PIK3R3: variants seen among roughly 807,000 people sequenced by gnomAD.
The protein encoded by PIK3R3 is phosphatidylinositol 3-kinase regulatory subunit gamma.
PIK3R3 carries 64 observed loss-of-function variants against 62.9 expected under a neutral mutation model. The observed-to-expected ratio is 1.02, with a 90% CI of 0.83 to 1.25. The LOEUF (loss-of-function observed/expected upper bound fraction) is 1.25, where lower values mean the gene tolerates loss of function less well. Ranked by LOEUF, PIK3R3 falls within the 50% of genes most tolerant of loss-of-function variation. The probability of loss-of-function intolerance (pLI) is 0.00; values close to 1 mark genes in which losing one functional copy is unlikely to be tolerated. For missense variants in PIK3R3, 614 were observed against 561.6 expected (o/e 1.09, Z -0.94); for synonymous variants, 165 against 189.0 (o/e 0.87, Z 1.04).
chr1:46,128,473 T>C (rs1307223447), intron 1 of PIK3R3, among the ~76,000 whole-genome samples: 1 of 152,038 alleles, frequency 6.6e-6, no homozygotes, highest in Non-Finnish European at 1.5e-5. Context: ...TATAAAAATA[T>C]TGGCACCATT....
chr1:46,105,086 G>A (rs1023799696), intron 1 of PIK3R3: 11 of 743,162 alleles, frequency 1.5e-5, no homozygotes, highest in African/African-American at 6.9e-5. Context: ...CTCTATTGCT[G>A]TATGGACTTA....
At chr1:46,115,078 A>G (rs1187771666) in intron 1 of PIK3R3, among the ~76,000 whole-genome samples, 1 of 152,172 alleles carries the variant, frequency 6.6e-6, no homozygotes, top group Non-Finnish European at 1.5e-5. Flanking sequence ...CTGTATTTGT[A>G]GGAAGCATCT....
chr1:46,096,602 G>A (rs948164114), intron 1 of PIK3R3, among the ~76,000 whole-genome samples: 4 of 152,160 alleles, frequency 2.6e-5, no homozygotes, highest in East Asian at 3.8e-4. Context: ...ATTTTTAGAA[G>A]GCAGTAATAA....
At chr1:46,074,300 A>G (rs1310719967) in intron 3 of PIK3R3, among the ~76,000 whole-genome samples, 2 of 138,546 alleles carry the variant, frequency 1.4e-5, no homozygotes, top group African/African-American at 3.0e-5. Context: ...AAAAAAAAAA[A>G]AAAAAAAAAA....
the PIK3R3 span, among the ~76,000 whole-genome samples, chr1:46,174,570 C>G: frequency 6.6e-6 from 1 of 152,146 alleles, no homozygotes; most frequent in Non-Finnish European, 1.5e-5. Flanking sequence ...GGAAATGCAG[C>G]CAGATCTCGG....
chr1:46,140,999 C>T, the PIK3R3 span, among the ~76,000 whole-genome samples: 3 of 151,730 alleles, frequency 2.0e-5, no homozygotes. Flanking sequence ...TAACTGGGAT[C>T]ACAGGTGTGC....
At chr1:46,102,027 C>T in intron 1 of PIK3R3, among the ~76,000 whole-genome samples, 1 of 144,282 alleles carries the variant, frequency 6.9e-6, no homozygotes, top group Non-Finnish European at 1.5e-5. Context: ...CGCTGTCGCC[C>T]AGGCTGGAGT....
At chr1:46,133,633 C>T (rs1389065924), upstream of PIK3R3, among the ~76,000 whole-genome samples, 1 of 152,182 alleles carries the variant, frequency 6.6e-6, no homozygotes, top group Admixed American at 6.5e-5. Flanking sequence ...ACCTTCCTGG[C>T]TGCTACCTGA....
intron 2 of PIK3R3, 145 bp downstream of exon 2, chr1:46,080,497 G>A: frequency 3.0e-6 from 2 of 657,070 alleles, no homozygotes; most frequent in East Asian, 5.0e-5. Context: ...CTGGTATCAT[G>A]TGATTCTTCA....
At chr1:46,165,967 G>A in the PIK3R3 span, among the ~76,000 whole-genome samples, 1 of 150,422 alleles carries the variant, frequency 6.6e-6, no homozygotes, top group Non-Finnish European at 1.5e-5. Flanking sequence ...TAGAGACGGG[G>A]TTTCACCTGT....
rs186155008 is a variant in PIK3R3 at position 46,125,078 on chromosome 1, G to A, written c.106+6769C>T. ...CATGCCACTGTACTCCAGACTGGGG[G>A]ACAAGAGCGAGACTTTGTCTCAAAA... On this transcript the variant is annotated intron_variant, in intron 1 of 9. Transcript: ENST00000262741. Among the ~76,000 whole-genome samples the A allele has an allele frequency of 1.8e-3, 280 of 152,004 alleles. 2 individuals carry two copies. The highest frequency in any genetic ancestry group is 3.2e-3 in the Non-Finnish European group (215 of 67,974).
At chr1:46,065,225 A>G (rs1475214198) in intron 5 of PIK3R3, among the ~76,000 whole-genome samples, 1 of 152,256 alleles carries the variant, frequency 6.6e-6, no homozygotes, top group Non-Finnish European at 1.5e-5. Flanking sequence ...CAAACTATGT[A>G]ACAACTTAGG....
chr1:46,084,298 CT>C (rs2149418978), intron 1 of PIK3R3, among the ~76,000 whole-genome samples: 1 of 152,266 alleles, frequency 6.6e-6, no homozygotes, highest in South Asian at 2.1e-4. Context: ...TAAAGGATTT[CT>C]TTCAGGGTAA....
intron 7 of PIK3R3, among the ~76,000 whole-genome samples, chr1:46,050,211 T>C (rs1246739377): frequency 2.0e-5 from 3 of 151,422 alleles, no homozygotes; most frequent in African/African-American, 7.3e-5. Flanking sequence ...CAAAGTGGGA[T>C]AACATATACA....
At chr1:46,160,822 T>C in the PIK3R3 span, among the ~76,000 whole-genome samples, 5 of 152,192 alleles carry the variant, frequency 3.3e-5, no homozygotes, top group South Asian at 8.3e-4. Context: ...ATCCCTGGAA[T>C]TCAGGTGTGG....
Position 46,132,618 on chromosome 1 carries a change from C to G in PIK3R3, c.-666G>C. 1.6e-6 allele frequency: 2 copies of G among 1,289,690 alleles called. No individual in the cohort carries two copies. The highest frequency in any genetic ancestry group is 2.5e-5 in the South Asian group (2 of 81,024). The allele number at this position is 1,289,690 out of a possible 1,614,324, so 79.9% of individuals were successfully genotyped here. ...CCAACCCGACCGCACCAACTGCCCT[C>G]AAGCTCTGCCCGGACTCCAGCCACT... is the stretch of plus-strand genomic sequence containing the variant. On this transcript the variant is annotated 5_prime_UTR_variant, in exon 1 of 10. Transcript: ENST00000262741.
At chr1:46,051,805 A>G (rs1462584973) in intron 7 of PIK3R3, among the ~76,000 whole-genome samples, 1 of 152,172 alleles carries the variant, frequency 6.6e-6, no homozygotes, top group East Asian at 1.9e-4. Context: ...AACCCTATAT[A>G]TACTGTTTTT....
chr1:46,066,913 G>C lies in PIK3R3; in HGVS notation c.493C>G (p.Gln165Glu). The C allele has an allele frequency of 6.2e-7, 1 of 1,609,046 alleles. No individual in the cohort carries two copies. Among genetic ancestry groups the C allele is most frequent in the Non-Finnish European group, 8.5e-7 (1 of 1,175,676 alleles). The change falls in exon 4 of 10, where the codon CAG (glutamine) becomes GAG (glutamate). Residue 165 changes from glutamine to glutamate, a missense_variant and splice_region_variant. Gln to Glu is a conservative substitution (Grantham distance 29). Coordinates refer to ENST00000262741, the MANE Select transcript of PIK3R3 (RefSeq NM_003629.4). The stretch of plus-strand genomic sequence containing the variant: ...AGCAAGGATTTCCATAATCATACCT[G>C]TTGGTATCTGGACACTGGGTACATC... ...KLMYPVSRYQ[Q>E]DQLVKEDNID...
the PIK3R3 span, among the ~76,000 whole-genome samples, chr1:46,151,894 G>C: frequency 6.6e-6 from 1 of 152,132 alleles, no homozygotes; most frequent in African/African-American, 2.4e-5. Context: ...TCCATAGCTT[G>C]AGCTGCCTCT....
Sources: allele counts gnomAD v4.1 joint callset (sites outside exome capture counted in the v4.1 genomes callset), GRCh38; gene constraint gnomAD v4.1.1; transcripts MANE v1.5; gene names NCBI Gene and HGNC (gene_info 2026-07-23, HGNC 2026-07-21).